Variants in CNTNAP2 observed in about 807,000 individuals in gnomAD.
CNTNAP2 encodes the protein contactin-associated protein-like 2.
A neutral mutation model predicts 155.2 loss-of-function variants in CNTNAP2; 98 were observed. The ratio of observed to expected loss-of-function variants is 0.63; its 90% CI spans 0.54 to 0.75. CNTNAP2 has a LOEUF of 0.75. CNTNAP2 is among the 30% of genes least tolerant of loss of function. The pLI, the probability that CNTNAP2 is intolerant of heterozygous loss-of-function variation, is 0.00. For missense variants in CNTNAP2, 1,727 were observed against 1,688.1 expected, an observed-to-expected ratio of 1.02 and a Z score of -0.40; for synonymous variants, 651 against 631.2, an observed-to-expected ratio of 1.03 and a Z score of -0.47.
chr7:147,170,001 G>T (rs887025142), intron 8 of CNTNAP2, among the ~76,000 whole-genome samples: 2 of 151,930 alleles, frequency 1.3e-5, no homozygotes, highest in African/African-American at 4.8e-5. Context: ...GGGCTCGTTT[G>T]GGGGTAAGGA....
intron 1 of CNTNAP2, among the ~76,000 whole-genome samples, chr7:146,395,085 C>T (rs1201339036): frequency 6.7e-6 from 1 of 149,996 alleles, no homozygotes; most frequent in Non-Finnish European, 1.5e-5. Flanking sequence ...TTTCTTATGG[C>T]CGAGTAATAT....
chr7:147,397,138 T>C (rs1796830492), intron 10 of CNTNAP2, among the ~76,000 whole-genome samples: 1 of 152,068 alleles, frequency 6.6e-6, no homozygotes, highest in Non-Finnish European at 1.5e-5. Context: ...CTTTATGACA[T>C]AGTATACTGC....
intron 1 of CNTNAP2, among the ~76,000 whole-genome samples, chr7:146,168,361 C>T (rs1019653877): frequency 2.6e-5 from 4 of 152,066 alleles, no homozygotes; most frequent in Non-Finnish European, 5.9e-5. Flanking sequence ...TATTAACCAT[C>T]ACAGTCATGT....
chr7:148,365,510 C>G (rs1339255537), intron 21 of CNTNAP2, among the ~76,000 whole-genome samples: 1 of 151,902 alleles, frequency 6.6e-6, no homozygotes, highest in Non-Finnish European at 1.5e-5. Flanking sequence ...ACTAAAAATA[C>G]AAAAATTAGC....
At chr7:146,199,059 A>G (rs546485765) in intron 1 of CNTNAP2, among the ~76,000 whole-genome samples, 10 of 152,084 alleles carry the variant, frequency 6.6e-5, no homozygotes, top group Non-Finnish European at 1.2e-4. Context: ...ATTTTCCACT[A>G]TCTCCTTCTC....
intron 1 of CNTNAP2, among the ~76,000 whole-genome samples, chr7:146,541,220 G>C (rs139888897): frequency 1.0e-3 from 155 of 152,038 alleles, no homozygotes; most frequent in African/African-American, 3.6e-3. Flanking sequence ...CCATGTCAAG[G>C]GTTTTGGTGA....
At chr7:147,894,383 TC>T (rs1384133963) in intron 13 of CNTNAP2, among the ~76,000 whole-genome samples, 1 of 152,144 alleles carries the variant, frequency 6.6e-6, no homozygotes, top group African/African-American at 2.4e-5. Flanking sequence ...TTAGAAAAAA[TC>T]CTGCACTGCA....
At chr7:147,830,888 A>C (rs1798535211) in intron 13 of CNTNAP2, among the ~76,000 whole-genome samples, 1 of 152,220 alleles carries the variant, frequency 6.6e-6, no homozygotes, top group Admixed American at 6.5e-5. Context: ...TCTAAGAAAC[A>C]GAAGAGATGG....
At chr7:147,261,569 C>A (rs1026320644) in intron 8 of CNTNAP2, among the ~76,000 whole-genome samples, 10 of 148,030 alleles carry the variant, frequency 6.8e-5, no homozygotes, top group Non-Finnish European at 1.2e-4. Context: ...AAAAAAAAAA[C>A]CTACCATGAA....
chr7:148,163,881 A>G (rs572430843), intron 17 of CNTNAP2, among the ~76,000 whole-genome samples: 1 of 152,332 alleles, frequency 6.6e-6, no homozygotes, highest in South Asian at 2.1e-4. Flanking sequence ...GTTCAACCAG[A>G]TAACTGGGTT....
At chr7:146,525,461 G>T (rs531330123) in intron 1 of CNTNAP2, among the ~76,000 whole-genome samples, 1 of 152,202 alleles carries the variant, frequency 6.6e-6, no homozygotes, top group East Asian at 1.9e-4. Flanking sequence ...ATGAGTGTTT[G>T]ACTAAATAAA....
At chr7:146,284,761 CG>C (rs1196995584) in intron 1 of CNTNAP2, among the ~76,000 whole-genome samples, 2 of 152,118 alleles carry the variant, frequency 1.3e-5, no homozygotes, top group African/African-American at 4.8e-5. Flanking sequence ...GGGAACCTGA[CG>C]GGGTTTGACT....
chr7:148,253,074 T>TA (rs1376262558), intron 20 of CNTNAP2, among the ~76,000 whole-genome samples: 2 of 151,648 alleles, frequency 1.3e-5, no homozygotes, highest in Middle Eastern at 3.2e-3. Flanking sequence ...GATAGATAGA[T>TA]ATTGATTGAT....
chr7:146,674,166 A>G (rs1341008319), intron 1 of CNTNAP2, among the ~76,000 whole-genome samples: 1 of 152,180 alleles, frequency 6.6e-6, no homozygotes. Context: ...CAAGATTCAA[A>G]GGAAACTTTC....
At chr7:147,032,254 A>G (rs948515064) in intron 3 of CNTNAP2, among the ~76,000 whole-genome samples, 2 of 152,234 alleles carry the variant, frequency 1.3e-5, no homozygotes, top group African/African-American at 2.4e-5. Flanking sequence ...AAAATGTATT[A>G]TGATATAGGT....
rs552698421 is a variant in CNTNAP2 at position 146,553,091 on chromosome 7, T to C, written c.98-221180T>C. 2.6e-5 allele frequency among the ~76,000 whole-genome samples: 4 copies of C among 152,288 alleles called. No individual in the cohort carries two copies. In the East Asian group the frequency reaches 7.7e-4, roughly 29 times the overall value. ...ACTGGAGAGAAAGCTCTTTGAGACATGTATTTTAGTCTCTTCTGTTCACTG... is the reference window on the plus strand; with the variant it reads ...ACTGGAGAGAAAGCTCTTTGAGACACGTATTTTAGTCTCTTCTGTTCACTG... On this transcript the variant is annotated intron_variant, in intron 1 of 23. Transcript: ENST00000361727.
Position 146,992,172 on chromosome 7 carries a change from A to T in CNTNAP2, c.403-51735A>T, listed in dbSNP as rs191619745. 6.6e-5 allele frequency among the ~76,000 whole-genome samples: 10 copies of T among 152,314 alleles called. No individual in the cohort carries two copies. In the East Asian group the frequency reaches 1.9e-3, roughly 29 times the overall value. ...CATATTTAGAAACAGAAATCCTTTT[A>T]TATGTGTATTGTTATAGTTTCATGT... On this transcript the variant is annotated intron_variant, in intron 3 of 23. Transcript: ENST00000361727.
At chr7:146,407,265 G>A (rs1261693732) in intron 1 of CNTNAP2, among the ~76,000 whole-genome samples, 1 of 152,102 alleles carries the variant, frequency 6.6e-6, no homozygotes, top group Non-Finnish European at 1.5e-5. Context: ...GTGTCTTGTG[G>A]AAAAAGCATG....
chr7:148,215,108 C>T (rs1002662145), intron 18 of CNTNAP2, among the ~76,000 whole-genome samples: 7 of 152,260 alleles, frequency 4.6e-5, no homozygotes, highest in African/African-American at 1.4e-4. Flanking sequence ...GACTCCGTAA[C>T]AGTGCCATGG....
Sources: allele counts gnomAD v4.1 joint callset (sites outside exome capture counted in the v4.1 genomes callset), GRCh38; gene constraint gnomAD v4.1.1; transcripts MANE v1.5; gene names NCBI Gene and HGNC (gene_info 2026-07-23, HGNC 2026-07-21).